Variants in FBXL13 observed in about 807,000 individuals in gnomAD.
FBXL13 encodes F-box and leucine-rich repeat protein 13.
In FBXL13, 67 loss-of-function variants were observed where a neutral mutation model predicts 83.6. The ratio of observed to expected loss-of-function variants is 0.80; its 90% CI spans 0.66 to 0.98. FBXL13 has a LOEUF of 0.98. Ranked by LOEUF, FBXL13 falls within the 50% of genes least tolerant of loss-of-function variation. FBXL13 has a pLI of 0.00. For missense variants in FBXL13, 822 were observed against 866.5 expected, an observed-to-expected ratio of 0.95 and a Z score of 0.64; for synonymous variants, 272 against 299.5, an observed-to-expected ratio of 0.91 and a Z score of 0.95.
intron 16 of FBXL13, among the ~76,000 whole-genome samples, chr7:102,864,417 G>A (rs1807324364): frequency 6.6e-6 from 1 of 151,696 alleles, no homozygotes; most frequent in Non-Finnish European, 1.5e-5. Context: ...CGCCCAGGCT[G>A]GAGTGCAATG....
intron 6 of FBXL13, among the ~76,000 whole-genome samples, chr7:102,995,553 C>T (rs944428984): frequency 3.4e-5 from 5 of 148,406 alleles, no homozygotes; most frequent in African/African-American, 1.2e-4. Context: ...CTTTGGGAGG[C>T]GGAGGCAGAC....
intron 8 of FBXL13, chr7:102,944,753 G>A (rs567863697): frequency 1.5e-6 from 1 of 679,298 alleles, no homozygotes. Flanking sequence ...GTATTATTGT[G>A]ACTATTATAG....
At chr7:102,828,492 C>A (rs1031108578) in intron 18 of FBXL13, among the ~76,000 whole-genome samples, 3 of 152,158 alleles carry the variant, frequency 2.0e-5, no homozygotes, top group African/African-American at 7.2e-5. Flanking sequence ...GTAGGATTGT[C>A]ATGGGGAATC....
intron 11 of FBXL13, among the ~76,000 whole-genome samples, chr7:102,908,503 A>G (rs1303521641): frequency 6.6e-6 from 1 of 152,144 alleles, no homozygotes; most frequent in Non-Finnish European, 1.5e-5. Context: ...AGAGTTAGGT[A>G]TTTATTGTAG....
intron 1 of FBXL13, among the ~76,000 whole-genome samples, chr7:103,065,033 T>A (rs1269234475): frequency 6.6e-6 from 1 of 152,220 alleles, no homozygotes; most frequent in East Asian, 1.9e-4. Context: ...AAGTGATTCC[T>A]GTTGTTGTAA....
downstream of FBXL13, among the ~76,000 whole-genome samples, chr7:102,811,245 T>C (rs982651145): frequency 3.3e-5 from 5 of 152,218 alleles, no homozygotes; most frequent in African/African-American, 7.2e-5. Context: ...TTGTACATAT[T>C]TGGATCACAT....
At chr7:102,849,694 G>A (rs1454187141) in intron 17 of FBXL13, among the ~76,000 whole-genome samples, 5 of 152,074 alleles carry the variant, frequency 3.3e-5, no homozygotes, top group Non-Finnish European at 5.9e-5. Flanking sequence ...CTCCTCCCCC[G>A]GCTTTGTCTG....
intron 11 of FBXL13, among the ~76,000 whole-genome samples, chr7:102,907,985 C>G (rs1814022217): frequency 6.6e-6 from 1 of 152,070 alleles, no homozygotes; most frequent in African/African-American, 2.4e-5. Flanking sequence ...ACTAGTTCAA[C>G]CATTGTGGAA....
At chr7:102,879,542 T>C (rs1249767971) in intron 14 of FBXL13, among the ~76,000 whole-genome samples, 1 of 151,998 alleles carries the variant, frequency 6.6e-6, no homozygotes, top group Non-Finnish European at 1.5e-5. Context: ...ATGATCCAAA[T>C]TAATTGGTTA....
In FBXL13 at chr7:102,893,985, G is replaced by C. The variant is rs1011498561; in HGVS notation, c.1009-9673C>G. ...AAGAGAGAAAGAAAGAAAGAAAGAG[G>C]AAAGAAAGAAAGAGGAAAGAAAAGA... On this transcript the variant is annotated intron_variant, in intron 11 of 19. Coordinates refer to ENST00000313221, the Ensembl canonical transcript of FBXL13. 9.0e-3 allele frequency among the ~76,000 whole-genome samples: 908 copies of C among 101,404 alleles called. 12 individuals are homozygous for C. The highest frequency in any genetic ancestry group is 0.044 in the African/African-American group (876 of 19,752). 66.5% of individuals were successfully genotyped at this position (101,404 alleles called of 152,430 possible). A position where few individuals can be genotyped will look rare whatever the true frequency, so the allele number is the denominator to read the frequency against.
intron 8 of FBXL13, chr7:102,942,227 T>C (rs1360093388): frequency 9.9e-6 from 13 of 1,307,858 alleles, no homozygotes; most frequent in Non-Finnish European, 1.1e-6. Flanking sequence ...CAAAAAAGTA[T>C]CTTGGCAGTT....
chr7:102,826,982 G>A (rs955469392), intron 18 of FBXL13: 8 of 352,310 alleles, frequency 2.3e-5, no homozygotes, highest in African/African-American at 1.7e-4. Context: ...ATGTAGCTGT[G>A]GTAGATTAAA....
intron 1 of FBXL13, chr7:103,074,115 T>C (rs1799364054): frequency 4.4e-6 from 2 of 458,084 alleles, no homozygotes; most frequent in South Asian, 9.3e-5. Context: ...CTAAAGGCAA[T>C]CCTGGTTGAG....
chr7:103,051,087 T>C (rs1796765899), intron 2 of FBXL13, among the ~76,000 whole-genome samples: 1 of 152,214 alleles, frequency 6.6e-6, no homozygotes, highest in African/African-American at 2.4e-5. Flanking sequence ...GAACTTAGTT[T>C]TCCAGAAATT....
At chr7:103,064,902 C>A (rs369405191) in intron 1 of FBXL13, among the ~76,000 whole-genome samples, 3 of 152,184 alleles carry the variant, frequency 2.0e-5, no homozygotes, top group Non-Finnish European at 4.4e-5. Context: ...ACAGACCTGG[C>A]TGAACTCCCA....
intron 16 of FBXL13, among the ~76,000 whole-genome samples, chr7:102,867,687 ATATATATATTTTTTT>A (rs1325618467): frequency 3.7e-5 from 3 of 81,966 alleles, no homozygotes; most frequent in African/African-American, 7.5e-5. Flanking sequence ...ATATATATAT[ATATATATATTTTTTT>A]TTTTTTTTTT....
At chr7:102,876,113 G>T (rs1338783209) in intron 16 of FBXL13, among the ~76,000 whole-genome samples, 2 of 152,248 alleles carry the variant, frequency 1.3e-5, no homozygotes, top group East Asian at 1.9e-4. Flanking sequence ...TCTCCAGCAG[G>T]TGTCTAGGAC....
At chr7:102,926,883 A>G (rs1220501760) in intron 9 of FBXL13, among the ~76,000 whole-genome samples, 1 of 152,250 alleles carries the variant, frequency 6.6e-6, no homozygotes, top group East Asian at 1.9e-4. Context: ...TGTTAACTAA[A>G]TATTTTAAAT....
chr7:102,831,673 A>G (rs1193436706), intron 18 of FBXL13, among the ~76,000 whole-genome samples: 3 of 152,130 alleles, frequency 2.0e-5, no homozygotes, highest in Non-Finnish European at 4.4e-5. Flanking sequence ...CCAAGCTTGA[A>G]GATTGTGGTG....
Sources: gnomAD v4.1 joint callset for allele counts (sites outside exome capture counted in the v4.1 genomes callset) on GRCh38, gnomAD v4.1.1 for gene constraint, MANE v1.5 for transcripts, NCBI Gene and HGNC (gene_info 2026-07-23, HGNC 2026-07-21) for gene names.